TOP2A: variants seen among roughly 807,000 people sequenced by gnomAD.
TOP2A encodes the protein DNA topoisomerase 2-alpha.
TOP2A carries 68 observed loss-of-function variants against 187.2 expected under a neutral mutation model. The observed-to-expected ratio is 0.36, with a 90% confidence interval of 0.30 to 0.44. The LOEUF is 0.44. TOP2A is among the 20% of genes least tolerant of loss of function. TOP2A has a pLI of 1.00. For missense variants in TOP2A, 1,196 were observed against 1,808.7 expected, an observed-to-expected ratio of 0.66 and a Z score of 6.14; for synonymous variants, 542 against 593.2, an observed-to-expected ratio of 0.91 and a Z score of 1.25.
At chr17:40,408,238 CA>C (rs1325439854) in intron 11 of TOP2A, 114 bp from the exon 12 acceptor site, 2 of 904,390 alleles carry the variant, frequency 2.2e-6, no homozygotes, top group Non-Finnish European at 3.2e-6. Flanking sequence ...ATATAATGAG[CA>C]AAATTATTTG....
Position 40,412,950 on chromosome 17 carries a change from T to C in TOP2A, c.598A>G (p.Arg200Gly), listed in dbSNP as rs2035341542. The change falls in exon 7 of 35, where the codon AGA becomes GGA. Residue 200 changes from arginine (R) to glycine (G), a missense_variant. Around this residue, in one of 10 missense-constraint regions of TOP2A, gnomAD observed 252 missense variants for 434.8 expected, o/e 0.58. Transcript: ENST00000423485. ...FKQTWMDNMG[R>G]AGEMELKPFN... ...GGCTTGAGTTCCATCTCACCAGCTC[T>C]TCCCATATTATCCATCCATGTCTAT... is the stretch of plus-strand genomic sequence containing the variant. The C allele has an allele frequency of 6.2e-7, 1 of 1,612,984 alleles. No homozygotes were observed. The highest frequency in any genetic ancestry group is 8.5e-7 in the Non-Finnish European group (1 of 1,179,340).
chr17:40,415,552 T>C (rs1023152166), intron 4 of TOP2A, among the ~76,000 whole-genome samples: 2 of 152,196 alleles, frequency 1.3e-5, no homozygotes, highest in Admixed American at 1.3e-4. Context: ...TTGAATAGCA[T>C]CATGAGAAAA....
Position 40,405,206 on chromosome 17 carries a change from G to T in TOP2A, c.1954-323C>A, listed in dbSNP as rs1367028166. ...ATGGAGTTTCACTCTTGTGGAATGT[G>T]ATGGCACGATTTCGGCTCCCACAAC... On this transcript the variant is annotated intron_variant, in intron 16 of 34. Transcript: ENST00000423485. Among the ~76,000 whole-genome samples, 5 of 150,236 alleles carry T rather than the reference G, an allele frequency of 3.3e-5. No homozygotes were observed. In the East Asian group the frequency reaches 9.8e-4, roughly 29 times the overall value.
At position 40,398,855 on chromosome 17, in the gene TOP2A, G is replaced by T. The variant is rs1598611304; in HGVS notation, c.3371C>A (p.Thr1124Asn). Residue 1124 changes from threonine to asparagine, a missense_variant, in exon 26 of 35, where the codon ACC becomes AAC. Around this residue, in one of 10 missense-constraint regions of TOP2A, gnomAD observed 232 missense variants for 306.1 expected, o/e 0.76. Transcript: ENST00000423485. ...KSDSVTDSGPTFNYLLDMPLW... is the reference protein window; with the variant it reads ...KSDSVTDSGPNFNYLLDMPLW... The stretch of plus-strand genomic sequence containing the variant: ...GGGCATATCAAGAAGATAGTTGAAG[G>T]TTGGTCCAGAATCTGTTACGGAGTC... 6.2e-7 allele frequency: 1 copy of T among 1,613,864 alleles called. No individual in the cohort carries two copies. The highest frequency in any genetic ancestry group is 2.2e-5 in the East Asian group (1 of 44,856).
chr17:40,407,786 A>G, intron 12 of TOP2A, 112 bp from the exon 13 acceptor site: 1 of 1,223,594 alleles, frequency 8.2e-7, no homozygotes, highest in Non-Finnish European at 1.1e-6. Context: ...TTGAGCTATT[A>G]GCTTATAATT....
Position 40,413,624 on chromosome 17 carries a change from C to A in TOP2A, c.334G>T (p.Glu112Ter). The A allele has an allele frequency of 7.6e-7, 1 of 1,311,646 alleles. No homozygotes were observed. The highest frequency in any genetic ancestry group is 1.0e-6 in the Non-Finnish European group (1 of 969,640). The allele number at this position is 1,311,646 out of a possible 1,614,324, so 81.3% of individuals were successfully genotyped here. A position where few individuals can be genotyped will look rare whatever the true frequency, so the allele number is the denominator to read the frequency against. The change falls in exon 5 of 35, where the codon GAA becomes TAA. Residue 112 changes from glutamate (E) to a stop codon, truncating the protein, a stop_gained and splice_region_variant. Transcript: ENST00000423485. LOFTEE classifies it high-confidence loss of function. ...TTCCATATACTAATTAAATTGTTTT[C>A]CCTAAGAAAAAAAGATTGAAAATTG... ...MSCIRVTIDP[E>*]NNLISIWNNG...
chr17:40,414,854 CAAAAAAA>C (rs531134947), intron 4 of TOP2A, among the ~76,000 whole-genome samples: 5 of 47,630 alleles, frequency 1.0e-4, no homozygotes, highest in Non-Finnish European at 1.8e-4. Context: ...AAAACTCCAT[CAAAAAAA>C]AAAAAAAAAA....
intron 28 of TOP2A, among the ~76,000 whole-genome samples, chr17:40,395,865 G>C (rs566687202): frequency 6.6e-6 from 1 of 151,988 alleles, no homozygotes; most frequent in East Asian, 1.9e-4. Context: ...TCCAGCCTGG[G>C]TAACACAGCG....
In TOP2A at chr17:40,416,734, T is replaced by G; in HGVS notation, c.177+6A>C. On this transcript the variant is annotated splice_donor_region_variant and intron_variant, in intron 2 of 34. Coordinates refer to ENST00000423485, the MANE Select transcript of TOP2A (RefSeq NM_001067.4). The stretch of plus-strand genomic sequence containing the variant: ...GGTTAACTGCCTTTGATGAGCTTGA[T>G]TTTACCTGGGTCACTAATTCCACAG... The G allele has an allele frequency of 6.2e-7, 1 of 1,604,944 alleles. No homozygotes were observed. Among genetic ancestry groups the G allele is most frequent in the South Asian group, 1.1e-5 (1 of 88,320 alleles).
intron 16 of TOP2A, among the ~76,000 whole-genome samples, chr17:40,406,117 T>A (rs556476672): frequency 1.2e-4 from 18 of 152,240 alleles, no homozygotes; most frequent in African/African-American, 4.3e-4. Flanking sequence ...GACAGGTTGG[T>A]CTCCAACTCT....
rs760764958 is a variant in TOP2A at position 40,407,547 on chromosome 17, A to G, written c.1626+2T>C. 4 of 1,562,708 alleles carry G rather than the reference A, an allele frequency of 2.6e-6. No individual in the cohort carries two copies. The South Asian group carries it at 4.9e-5, about 19-fold the overall frequency. ...ATCTAAAAATTTAATAACAAATCTG[A>G]CCTGATCTGTCATAATCATTATCTT... is the stretch of plus-strand genomic sequence containing the variant. On this transcript the variant is annotated splice_donor_variant, in intron 13 of 34. Coordinates refer to ENST00000423485, the MANE Select transcript of TOP2A (RefSeq NM_001067.4). LOFTEE classifies it high-confidence loss of function.
At chr17:40,398,204 C>T (rs2035127444) in intron 27 of TOP2A, among the ~76,000 whole-genome samples, 1 of 144,266 alleles carries the variant, frequency 6.9e-6, no homozygotes, top group African/African-American at 2.6e-5. Flanking sequence ...ACCTCTGCCT[C>T]TCGGTTCAAG....
rs759271883 is a variant in TOP2A at position 40,406,398 on chromosome 17, C to T, written c.1939G>A (p.Ala647Thr). ...QFKYSGPEDD[A>T]AISLAFSKKQ... Reference sequence around the variant, plus strand: ...CTCAAACCTACCAGGCTGATAGCAGCATCATCTTCAGGACCAGAATATTTG... The same window carrying T: ...CTCAAACCTACCAGGCTGATAGCAGTATCATCTTCAGGACCAGAATATTTG... Residue 647 changes from alanine to threonine, a missense_variant, in exon 16 of 35, where the codon GCT (alanine) becomes ACT (threonine). This residue lies in a region of TOP2A where 209 missense variants were observed against 376.9 expected (regional missense o/e 0.55). Transcript: ENST00000423485. 8 of 1,612,064 alleles carry T rather than the reference C, an allele frequency of 5.0e-6. No homozygotes were observed. Among genetic ancestry groups the T allele is most frequent in the Non-Finnish European group, 6.8e-6 (8 of 1,178,706 alleles).
rs2143680268 is a variant in TOP2A at position 40,411,284 on chromosome 17, C to T, written c.1066-38G>A. 6.2e-7 allele frequency: 1 copy of T among 1,612,144 alleles called. No individual in the cohort carries two copies. Among genetic ancestry groups the T allele is most frequent in the Non-Finnish European group, 8.5e-7 (1 of 1,179,254 alleles). On this transcript the variant is annotated intron_variant, in intron 9 of 34. Transcript: ENST00000423485. The surrounding 1 kb of genome is among the most constrained non-coding windows in gnomAD (Gnocchi z 4.4). ...TTGATATTAAGCCACTAAAAATGTA[C>T]TCATGCTTTATTTATAGCCTTTCTC...
intron 13 of TOP2A, 92 bp downstream of exon 13, chr17:40,407,457 A>G: frequency 9.7e-7 from 1 of 1,026,438 alleles, no homozygotes; most frequent in Non-Finnish European, 1.4e-6. Flanking sequence ...CTCCTATTTA[A>G]CTAATTTATT....
Position 40,411,090 on chromosome 17 carries a change from T to C in TOP2A, c.1203+19A>G. On this transcript the variant is annotated intron_variant, in intron 10 of 34. Transcript: ENST00000423485. This position sits in a 1 kb window ranked among gnomAD's most constrained non-coding sequence, Gnocchi z 4.4. ...ATAAAGTCAGGTGTTTCTATTTTTA[T>C]TTTCCTCTAAGTACTCACAGCTTTG... The C allele has an allele frequency of 6.3e-7, 1 of 1,576,572 alleles. No homozygotes were observed. The highest frequency in any genetic ancestry group is 1.4e-5 in the African/African-American group (1 of 73,102).
At chr17:40,414,067 C>A (rs1395421520) in intron 4 of TOP2A, among the ~76,000 whole-genome samples, 2 of 151,930 alleles carry the variant, frequency 1.3e-5, no homozygotes, top group African/African-American at 2.4e-5. Context: ...GAAAAAAAAA[C>A]CTTTTCCAAC....
intron 32 of TOP2A, 89 bp from the exon 33 acceptor site, chr17:40,391,729 T>A: frequency 1.6e-6 from 2 of 1,282,880 alleles, no homozygotes; most frequent in Non-Finnish European, 2.1e-6. Context: ...AATTCCTATT[T>A]AAACACCAAA....
rs565083516 is a variant in TOP2A at position 40,407,418 on chromosome 17, T to TA, written c.1626+130dup. 4.0e-3 allele frequency: 2,837 copies of TA among 704,804 alleles called. 15 individuals carry two copies. Among genetic ancestry groups the TA allele is most frequent in the Non-Finnish European group, 4.5e-3 (2,003 of 445,644 alleles). 43.7% of individuals were successfully genotyped at this position (704,804 alleles called of 1,614,324 possible). A position where few individuals can be genotyped will look rare whatever the true frequency, so the allele number is the denominator to read the frequency against. ...TACATATGATATAAGCATATCTGAT[T>TA]AGATGTTGATTAGAGATGATGAATA... On this transcript the variant is annotated intron_variant, in intron 13 of 34. Coordinates refer to ENST00000423485, the MANE Select transcript of TOP2A (RefSeq NM_001067.4).
Sources: allele counts gnomAD v4.1 joint callset (sites outside exome capture counted in the v4.1 genomes callset), GRCh38; gene constraint gnomAD v4.1.1; regional missense constraint gnomAD v4.1.1; non-coding constraint Gnocchi (gnomAD v3.1); transcripts MANE v1.5; gene names NCBI Gene and HGNC (gene_info 2026-07-23, HGNC 2026-07-21).